RIMS1: variants seen among roughly 807,000 people sequenced by gnomAD.
The protein encoded by RIMS1 is regulating synaptic membrane exocytosis protein 1.
RIMS1 carries 83 observed loss-of-function variants against 214.1 expected under a neutral mutation model. That is an observed-to-expected ratio of 0.39 (90% CI 0.32 to 0.47). The LOEUF is 0.47. RIMS1 is among the 20% of genes least tolerant of loss of function. The pLI, the probability that RIMS1 is intolerant of heterozygous loss-of-function variation, is 0.99. For missense variants in RIMS1, 2,050 were observed against 2,161.8 expected, an observed-to-expected ratio of 0.95 and a Z score of 1.03; for synonymous variants, 793 against 786.8, an observed-to-expected ratio of 1.01 and a Z score of -0.13.
intron 4 of RIMS1, among the ~76,000 whole-genome samples, chr6:72,167,110 T>C (rs1176631427): frequency 6.6e-6 from 1 of 152,126 alleles, no homozygotes; most frequent in South Asian, 2.1e-4. Flanking sequence ...ATCTTTTTTA[T>C]GTCTAGTTTG....
chr6:71,943,702 A>C (rs1786913757), intron 1 of RIMS1, among the ~76,000 whole-genome samples: 1 of 152,212 alleles, frequency 6.6e-6, no homozygotes. Flanking sequence ...TTTCAAAAGC[A>C]GCAGTTAATT....
intron 1 of RIMS1, among the ~76,000 whole-genome samples, chr6:71,915,479 C>G (rs1778099295): frequency 6.6e-6 from 1 of 152,148 alleles, no homozygotes; most frequent in South Asian, 2.1e-4. Context: ...TCTTTCCACA[C>G]ACCTGTGAAT....
At chr6:72,248,856 C>G (rs2071589134) in intron 12 of RIMS1, among the ~76,000 whole-genome samples, 1 of 152,138 alleles carries the variant, frequency 6.6e-6, no homozygotes, top group South Asian at 2.1e-4. Context: ...GCTTATTGCT[C>G]AAGGGCTTTT....
chr6:71,934,939 AAT>A (rs1275845665), intron 1 of RIMS1, among the ~76,000 whole-genome samples: 15 of 152,340 alleles, frequency 9.8e-5, no homozygotes, highest in Middle Eastern at 3.4e-3. Context: ...CACCTGTAAC[AAT>A]AGAGGTGAGA....
intron 29 of RIMS1, among the ~76,000 whole-genome samples, chr6:72,381,174 G>C (rs2154420612): frequency 6.6e-6 from 1 of 152,156 alleles, no homozygotes; most frequent in South Asian, 2.1e-4. Flanking sequence ...CCATTTTGTT[G>C]CGTCTTCCTA....
At chr6:71,971,725 T>G in intron 2 of RIMS1, among the ~76,000 whole-genome samples, 1 of 152,110 alleles carries the variant, frequency 6.6e-6, no homozygotes. Context: ...GAGAAGAGCT[T>G]GTGCAGGGAA....
At chr6:72,057,461 T>C (rs1011835331) in intron 2 of RIMS1, among the ~76,000 whole-genome samples, 12 of 152,070 alleles carry the variant, frequency 7.9e-5, no homozygotes, top group African/African-American at 2.9e-4. Flanking sequence ...GTTCTGTTGT[T>C]ATGTAATTAT....
intron 6 of RIMS1, chr6:72,213,024 G>C: frequency 6.6e-7 from 1 of 1,509,810 alleles, no homozygotes; most frequent in Admixed American, 2.1e-5. Flanking sequence ...TGAAGGAGGC[G>C]CTTCACACTC....
intron 7 of RIMS1, among the ~76,000 whole-genome samples, chr6:72,234,982 A>T (rs1193145602): frequency 6.6e-6 from 1 of 152,004 alleles, no homozygotes; most frequent in Non-Finnish European, 1.5e-5. Context: ...TAGGATTTTA[A>T]AATATTTTTA....
At chr6:72,246,809 A>G (rs2070047896) in intron 11 of RIMS1, among the ~76,000 whole-genome samples, 1 of 152,176 alleles carries the variant, frequency 6.6e-6, no homozygotes, top group African/African-American at 2.4e-5. Flanking sequence ...GATTGCCATA[A>G]TATTACAAAC....
intron 1 of RIMS1, among the ~76,000 whole-genome samples, chr6:71,964,857 A>G (rs1401138153): frequency 6.6e-6 from 1 of 152,138 alleles, no homozygotes; most frequent in East Asian, 1.9e-4. Context: ...TGTCATGTTG[A>G]AGAATGGCAT....
intron 4 of RIMS1, among the ~76,000 whole-genome samples, chr6:72,124,277 C>A: frequency 6.6e-6 from 1 of 151,798 alleles, no homozygotes; most frequent in Non-Finnish European, 1.5e-5. Context: ...AAATTCTTTT[C>A]TTTAAGAATG....
intron 1 of RIMS1, among the ~76,000 whole-genome samples, chr6:71,923,288 CA>C (rs2150784317): frequency 6.6e-6 from 1 of 152,198 alleles, no homozygotes; most frequent in South Asian, 2.1e-4. Flanking sequence ...TAATAACAAG[CA>C]AAAAATCATG....
chr6:72,400,478 A>C lies in RIMS1; in HGVS notation c.4861-18A>C. Reference sequence around the variant, plus strand: ...CAGAGAGAAGTCCAGGTAATGTTGCATTTCTCTATCTCTGCAGGTGATTGT... The same window carrying C: ...CAGAGAGAAGTCCAGGTAATGTTGCCTTTCTCTATCTCTGCAGGTGATTGT... On this transcript the variant is annotated intron_variant, in intron 33 of 33. Transcript: ENST00000521978. 1 of 1,606,676 alleles carries C rather than the reference A, an allele frequency of 6.2e-7. No individual in the cohort carries two copies. Among genetic ancestry groups the C allele is most frequent in the Non-Finnish European group, 8.5e-7 (1 of 1,173,284 alleles).
At chr6:72,111,786 C>G (rs1006997876) in intron 4 of RIMS1, among the ~76,000 whole-genome samples, 4 of 152,128 alleles carry the variant, frequency 2.6e-5, no homozygotes, top group Non-Finnish European at 5.9e-5. Flanking sequence ...CACTCCCACT[C>G]TAGCATTCCT....
chr6:72,008,847 A>G (rs1809010215), intron 2 of RIMS1, among the ~76,000 whole-genome samples: 1 of 152,160 alleles, frequency 6.6e-6, no homozygotes, highest in South Asian at 2.1e-4. Flanking sequence ...ACCTACAAAG[A>G]GACTTAGACT....
chr6:72,041,469 A>C (rs117132707), intron 2 of RIMS1, among the ~76,000 whole-genome samples: 1 of 151,950 alleles, frequency 6.6e-6, no homozygotes, highest in African/African-American at 2.4e-5. Context: ...TATCTATTAA[A>C]AAGCGGAAAA....
chr6:72,196,014 C>A (rs2050797610), intron 6 of RIMS1, among the ~76,000 whole-genome samples: 1 of 152,054 alleles, frequency 6.6e-6, no homozygotes, highest in Admixed American at 6.6e-5. Flanking sequence ...CCCCATGATC[C>A]ATCACCTCCC....
intron 6 of RIMS1, among the ~76,000 whole-genome samples, chr6:72,190,583 G>A (rs2049927090): frequency 6.6e-6 from 1 of 151,984 alleles, no homozygotes; most frequent in Non-Finnish European, 1.5e-5. Flanking sequence ...TGTGAACCAG[G>A]CTCTAGTCTC....
Sources: gnomAD v4.1 joint callset for allele counts (sites outside exome capture counted in the v4.1 genomes callset) on GRCh38, gnomAD v4.1.1 for gene constraint, MANE v1.5 for transcripts, NCBI Gene and HGNC (gene_info 2026-07-23, HGNC 2026-07-21) for gene names.